C1QTNF1: variants seen among roughly 807,000 people sequenced by gnomAD.
C1QTNF1 encodes the protein complement C1q tumor necrosis factor-related protein 1.
A neutral mutation model predicts 27.8 loss-of-function variants in C1QTNF1; 22 were observed. The ratio of observed to expected loss-of-function variants is 0.79; its 90% CI spans 0.56 to 1.13. The LOEUF is 1.13. Ranked by LOEUF, C1QTNF1 falls within the 50% of genes most tolerant of loss-of-function variation. The probability of loss-of-function intolerance (pLI) is 0.00; values close to 1 mark genes in which losing one functional copy is unlikely to be tolerated. For synonymous variants in C1QTNF1, 166 were observed against 154.3 expected, an observed-to-expected ratio of 1.08 and a Z score of -0.56; for missense variants, 373 against 380.2, an observed-to-expected ratio of 0.98 and a Z score of 0.16.
chr17:79,036,046 TCA>T (rs111718145), intron 1 of C1QTNF1, among the ~76,000 whole-genome samples: 3,520 of 152,330 alleles, frequency 0.023, 134 homozygotes, highest in African/African-American at 0.079. Flanking sequence ...TGCTGTTTGT[TCA>T]CAGTTACTCT....
At chr17:79,031,670 C>T (rs1448172414) in intron 1 of C1QTNF1, among the ~76,000 whole-genome samples, 1 of 152,024 alleles carries the variant, frequency 6.6e-6, no homozygotes, top group Non-Finnish European at 1.5e-5. Flanking sequence ...TCTTGAACTC[C>T]TGACCTCAGG....
intron 2 of C1QTNF1, among the ~76,000 whole-genome samples, chr17:79,045,696 C>T (rs78704955): frequency 2.2e-3 from 335 of 152,176 alleles, no homozygotes; most frequent in African/African-American, 7.9e-3. Context: ...ATTCCAGGGG[C>T]GAAGGGATGG....
chr17:79,038,475 T>C (rs1046210917), intron 1 of C1QTNF1, among the ~76,000 whole-genome samples: 4 of 152,186 alleles, frequency 2.6e-5, no homozygotes, highest in Non-Finnish European at 5.9e-5. Context: ...GAGCGGCTAG[T>C]CCTCAGGGAC....
chr17:79,039,763 C>G (rs1227013444), intron 1 of C1QTNF1, among the ~76,000 whole-genome samples: 3 of 151,604 alleles, frequency 2.0e-5, no homozygotes, highest in Non-Finnish European at 4.4e-5. Context: ...TAGTTACTTT[C>G]CAACCTCTCT....
intron 1 of C1QTNF1, among the ~76,000 whole-genome samples, chr17:79,033,078 A>G (rs2072178412): frequency 6.6e-6 from 1 of 151,794 alleles, no homozygotes; most frequent in Non-Finnish European, 1.5e-5. Context: ...CAAAAAAAAA[A>G]AAAAAAAAAA....
Position 79,047,872 on chromosome 17 carries a change from C to T in C1QTNF1, c.630C>T (p.His210=), listed in dbSNP as rs896591001. 7 of 1,614,226 alleles carry T rather than the reference C, an allele frequency of 4.3e-6. No homozygotes were observed. The highest frequency in any genetic ancestry group is 1.7e-5 in the Admixed American group (1 of 60,028). The change falls in exon 4 of 4, where the codon CAC becomes CAT. Residue 210 remains histidine, a synonymous_variant. Transcript: ENST00000579760. The part of the protein sequence containing the change: ...HTWNQKETYL[H]IMKNEEEVVI... Reference sequence around the variant, plus strand: ...GGAACCAGAAGGAGACCTACCTGCACATCATGAAGAACGAGGAGGAGGTGG... The same window carrying T: ...GGAACCAGAAGGAGACCTACCTGCATATCATGAAGAACGAGGAGGAGGTGG...
chr17:79,039,509 C>T (rs765793254), intron 1 of C1QTNF1, among the ~76,000 whole-genome samples: 5 of 152,092 alleles, frequency 3.3e-5, no homozygotes, highest in Admixed American at 1.3e-4. Context: ...AAAAATTAGC[C>T]GGGTGTGGAG....
At chr17:79,023,724 A>T (rs2377008), upstream of C1QTNF1, among the ~76,000 whole-genome samples, 2,460 of 152,164 alleles carry the variant, frequency 0.016, 50 homozygotes, top group Non-Finnish European at 0.021. Flanking sequence ...ACACACACAC[A>T]CACACACACA....
At position 79,040,812 on chromosome 17, in the gene C1QTNF1, G is replaced by A. The variant is rs562976377; in HGVS notation, c.-14-3143G>A. ...CCTTCTACTTGTGAGGCTGAGGTGGGAGGATGGCTCAAGTCCAGGAGGCAG... is the reference window on the plus strand; with the variant it reads ...CCTTCTACTTGTGAGGCTGAGGTGGAAGGATGGCTCAAGTCCAGGAGGCAG... On this transcript the variant is annotated intron_variant, in intron 1 of 3. Transcript: ENST00000579760. 3.3e-5 allele frequency among the ~76,000 whole-genome samples: 5 copies of A among 152,004 alleles called. No individual in the cohort carries two copies. The South Asian group carries it at 8.3e-4, about 25-fold the overall frequency.
chr17:79,043,568 G>GTACATGTGTGTGGAT, intron 1 of C1QTNF1: 1 of 436,574 alleles, frequency 2.3e-6, no homozygotes, highest in East Asian at 6.9e-5. Context: ...TGTATTGTGT[G>GTACATGTGTGTGGAT]TACATGTGTG....
In C1QTNF1 at chr17:79,046,465, C is replaced by T; in HGVS notation, c.156-90C>T. ...CAGGTGAGAGAGTGAGAAGGCAGGTCAGGCATGCCAGAACCACTGGCAGCA... is the reference window on the plus strand; with the variant it reads ...CAGGTGAGAGAGTGAGAAGGCAGGTTAGGCATGCCAGAACCACTGGCAGCA... On this transcript the variant is annotated intron_variant, in intron 2 of 3. Coordinates refer to ENST00000579760, the MANE Select transcript of C1QTNF1 (RefSeq NM_030968.5). This position sits in a 1 kb window ranked among gnomAD's most constrained non-coding sequence, Gnocchi z 4.8. 6.5e-7 allele frequency: 1 copy of T among 1,549,628 alleles called. No individual in the cohort carries two copies. The highest frequency in any genetic ancestry group is 8.8e-7 in the Non-Finnish European group (1 of 1,133,112).
chr17:79,046,494 G>A lies in C1QTNF1; in HGVS notation c.156-61G>A. Reference sequence around the variant, plus strand: ...CATGCCAGAACCACTGGCAGCAGGAGAGAGCAGCGTTTCCAGGCCTGAGAG... The same window carrying A: ...CATGCCAGAACCACTGGCAGCAGGAAAGAGCAGCGTTTCCAGGCCTGAGAG... On this transcript the variant is annotated intron_variant, in intron 2 of 3. Coordinates refer to ENST00000579760, the MANE Select transcript of C1QTNF1 (RefSeq NM_030968.5). The surrounding 1 kb of genome is among the most constrained non-coding windows in gnomAD (Gnocchi z 4.8). 1 of 1,606,552 alleles carries A rather than the reference G, an allele frequency of 6.2e-7. No homozygotes were observed. Among genetic ancestry groups the A allele is most frequent in the South Asian group, 1.1e-5 (1 of 90,286 alleles).
intron 1 of C1QTNF1, 24 bp from the exon 2 acceptor site, chr17:79,043,931 C>T: frequency 6.2e-7 from 1 of 1,612,842 alleles, no homozygotes; most frequent in Non-Finnish European, 8.5e-7. Flanking sequence ...TCGGTGCCTT[C>T]CCTGTGTGTT....
intron 1 of C1QTNF1, among the ~76,000 whole-genome samples, chr17:79,035,154 A>G (rs902946892): frequency 2.0e-5 from 3 of 152,122 alleles, no homozygotes; most frequent in African/African-American, 7.2e-5. Context: ...AGCAGATGTC[A>G]CCTGTCAGAA....
intron 2 of C1QTNF1, among the ~76,000 whole-genome samples, chr17:79,044,555 G>A (rs1437767413): frequency 6.6e-6 from 1 of 152,184 alleles, no homozygotes; most frequent in African/African-American, 2.4e-5. Context: ...TGGTGTCCAT[G>A]GCCCACGCGT....
chr17:79,043,355 T>C (rs746020210), intron 1 of C1QTNF1: 3 of 453,452 alleles, frequency 6.6e-6, no homozygotes, highest in South Asian at 1.6e-5. Context: ...GTGGATTGCA[T>C]GTGTGAGTGC....
intron 1 of C1QTNF1, among the ~76,000 whole-genome samples, chr17:79,042,308 C>T (rs778828527): frequency 4.6e-5 from 7 of 152,358 alleles, no homozygotes; most frequent in Middle Eastern, 6.8e-3. Context: ...GGTGGGCGTT[C>T]GCCTAATGTG....
rs755078571 is a variant in C1QTNF1, at chr17:79,046,668, C to G, written c.269C>G (p.Pro90Arg). Residue 90 changes from proline to arginine, a missense_variant, in exon 3 of 4, where the codon CCC becomes CGC. Pro to Arg is a moderately radical substitution (Grantham distance 103, BLOSUM62 -2). Transcript: ENST00000579760. The surrounding 1 kb of genome is among the most constrained non-coding windows in gnomAD (Gnocchi z 4.8). ...GTSMYPATAV[P>R]QINITILKGE... ...TCCATGTACCCGGCGACCGCCGTGC[C>G]CCAGATCAACATCACTATCTTGAAA... 3 of 1,614,090 alleles carry G rather than the reference C, an allele frequency of 1.9e-6. No homozygotes were observed. The African/African-American group carries it at 4.0e-5, about 22-fold the overall frequency.
intron 1 of C1QTNF1, among the ~76,000 whole-genome samples, chr17:79,031,989 C>T (rs909914603): frequency 3.3e-5 from 5 of 152,198 alleles, no homozygotes; most frequent in Non-Finnish European, 7.3e-5. Flanking sequence ...TGAGGCATGT[C>T]ATCTTTGGAC....
Sources: gnomAD v4.1 joint callset for allele counts (sites outside exome capture counted in the v4.1 genomes callset) on GRCh38, gnomAD v4.1.1 for gene constraint, Gnocchi (gnomAD v3.1) non-coding constraint, MANE v1.5 for transcripts, NCBI Gene and HGNC (gene_info 2026-07-23, HGNC 2026-07-21) for gene names.